Variants in SEPTIN11 observed in about 807,000 individuals in gnomAD.
The protein encoded by SEPTIN11 is septin 11.
A neutral mutation model predicts 51.4 loss-of-function variants in SEPTIN11; 25 were observed. The ratio of observed to expected loss-of-function variants is 0.49; its 90% CI spans 0.35 to 0.68. SEPTIN11 has a LOEUF of 0.68. Ranked by LOEUF, SEPTIN11 falls within the 30% of genes least tolerant of loss-of-function variation. SEPTIN11 has a pLI of 0.00. For synonymous variants in SEPTIN11, 174 were observed against 184.1 expected (o/e 0.95, Z 0.44); for missense variants, 381 against 520.8 (o/e 0.73, Z 2.61).
chr4:76,980,342 G>A (rs1212563647), intron 1 of SEPTIN11, among the ~76,000 whole-genome samples: 3 of 152,168 alleles, frequency 2.0e-5, no homozygotes, highest in Non-Finnish European at 2.9e-5. Flanking sequence ...ATTGTTTCTT[G>A]GGTGTTCATG....
chr4:77,036,121 C>T lies in SEPTIN11; in HGVS notation c.*1609C>T. 5 of 985,922 alleles carry T rather than the reference C, an allele frequency of 5.1e-6. No individual in the cohort carries two copies. The highest frequency in any genetic ancestry group is 6.0e-6 in the Non-Finnish European group (5 of 830,050). The allele number at this position is 985,922 out of a possible 1,614,324, so 61.1% of individuals were successfully genotyped here. A position where few individuals can be genotyped will look rare whatever the true frequency, so the allele number is the denominator to read the frequency against. ...ATACTTAGAGGAAAGAAGGAATGGT[C>T]TTCCATGAACTGATTATGCTTAATT... On this transcript the variant is annotated 3_prime_UTR_variant, in exon 10 of 10. Coordinates refer to ENST00000264893, the MANE Select transcript of SEPTIN11 (RefSeq NM_018243.4).
chr4:76,986,517 G>C (rs1723037044), intron 1 of SEPTIN11, among the ~76,000 whole-genome samples: 1 of 152,196 alleles, frequency 6.6e-6, no homozygotes, highest in South Asian at 2.1e-4. Context: ...CTTTACAACA[G>C]CCCTGTGAGA....
At chr4:76,973,844 A>C (rs1722364301) in intron 1 of SEPTIN11, among the ~76,000 whole-genome samples, 1 of 152,150 alleles carries the variant, frequency 6.6e-6, no homozygotes, top group East Asian at 1.9e-4. Flanking sequence ...TGGCATATAA[A>C]TAATACCTTC....
intron 1 of SEPTIN11, among the ~76,000 whole-genome samples, chr4:76,982,601 T>C (rs899170801): frequency 6.6e-6 from 1 of 152,236 alleles, no homozygotes; most frequent in African/African-American, 2.4e-5. Context: ...TTCATCTCCA[T>C]TGTCTAACCC....
At chr4:76,986,266 G>A (rs777892511) in intron 1 of SEPTIN11, among the ~76,000 whole-genome samples, 1 of 151,872 alleles carries the variant, frequency 6.6e-6, no homozygotes, top group Non-Finnish European at 1.5e-5. Context: ...GCTATTTGGC[G>A]TGAAAAAAAT....
chr4:77,034,379 C>A, intron 9 of SEPTIN11, 118 bp from the exon 10 acceptor site: 1 of 906,522 alleles, frequency 1.1e-6, no homozygotes, highest in South Asian at 3.1e-5. Flanking sequence ...TCTGTCAATT[C>A]CATAATCATT....
intron 1 of SEPTIN11, among the ~76,000 whole-genome samples, chr4:76,951,350 G>A (rs1422465828): frequency 1.3e-5 from 2 of 152,186 alleles, no homozygotes; most frequent in African/African-American, 2.4e-5. Flanking sequence ...TCAACTCTAC[G>A]ATTTAATGAC....
intron 1 of SEPTIN11, among the ~76,000 whole-genome samples, chr4:76,982,052 A>G (rs1215236592): frequency 6.6e-6 from 1 of 152,160 alleles, no homozygotes; most frequent in Non-Finnish European, 1.5e-5. Context: ...GTAAACTGAA[A>G]AAGAATCAGT....
intron 4 of SEPTIN11, 114 bp from the exon 5 acceptor site, chr4:77,014,742 A>G: frequency 2.0e-6 from 2 of 1,007,154 alleles, no homozygotes; most frequent in Non-Finnish European, 3.0e-6. Context: ...AGTAGGAAAC[A>G]TCTTTATTTT....
chr4:76,951,217 T>G (rs1721328102), intron 1 of SEPTIN11, among the ~76,000 whole-genome samples: 1 of 152,184 alleles, frequency 6.6e-6, no homozygotes, highest in Non-Finnish European at 1.5e-5. Flanking sequence ...GAGAAGTTCA[T>G]GGGTCCCTTT....
chr4:77,006,414 T>A lies in SEPTIN11; in HGVS notation c.338+618T>A, dbSNP rs36074407. Among the ~76,000 whole-genome samples the A allele has an allele frequency of 1.0e-3, 154 of 152,326 alleles. 1 individual carries two copies. In the Middle Eastern group the frequency reaches 0.014, roughly 13 times the overall value. On this transcript the variant is annotated intron_variant, in intron 3 of 9. Coordinates refer to ENST00000264893, the MANE Select transcript of SEPTIN11 (RefSeq NM_018243.4). ...TTAAAATTTCGTGGCATACAACCCATGTTAGTCTTAGTCTCAGGATTTTGT... is the reference window on the plus strand; with the variant it reads ...TTAAAATTTCGTGGCATACAACCCAAGTTAGTCTTAGTCTCAGGATTTTGT...
chr4:76,955,686 T>A (rs9307224), intron 1 of SEPTIN11, among the ~76,000 whole-genome samples: 80,253 of 151,878 alleles, frequency 0.53, 21,809 homozygotes, highest in Middle Eastern at 0.61. Context: ...AATAGGAGAG[T>A]TGAGAAACGA....
chr4:76,993,749 T>C lies in SEPTIN11; in HGVS notation c.28-2676T>C, dbSNP rs183392616. On this transcript the variant is annotated intron_variant, in intron 1 of 9. Transcript: ENST00000264893. The stretch of plus-strand genomic sequence containing the variant: ...AAATGTAAAAACTGTATTATAAAAT[T>C]TACATATTCTATATTACAGTGTTAG... 5.9e-5 allele frequency among the ~76,000 whole-genome samples: 9 copies of C among 152,336 alleles called. No individual in the cohort carries two copies. In the East Asian group the frequency reaches 1.7e-3, roughly 29 times the overall value.
downstream of SEPTIN11, chr4:77,039,653 A>AT (rs1256730868): frequency 1.0e-6 from 1 of 985,088 alleles, no homozygotes. Context: ...GTTTTTAAAA[A>AT]AAAAAAATCA....
intron 2 of SEPTIN11, among the ~76,000 whole-genome samples, chr4:76,998,232 A>T (rs958269996): frequency 1.3e-5 from 2 of 152,164 alleles, no homozygotes; most frequent in Admixed American, 1.3e-4. Flanking sequence ...AATGAACATA[A>T]TATATATTTG....
At chr4:76,980,269 T>C (rs1385370042) in intron 1 of SEPTIN11, among the ~76,000 whole-genome samples, 1 of 152,240 alleles carries the variant, frequency 6.6e-6, no homozygotes, top group East Asian at 1.9e-4. Context: ...ATTGGTGCTC[T>C]GTTCTCCATG....
chr4:77,034,458 A>G (rs890858691), intron 9 of SEPTIN11, 39 bp from the exon 10 acceptor site: 7 of 1,474,838 alleles, frequency 4.7e-6, no homozygotes, highest in Non-Finnish European at 6.3e-6. Flanking sequence ...TTAATTTATT[A>G]TTATTTCTAA....
In SEPTIN11 at chr4:76,961,804, G is replaced by T. The variant is rs146939217; in HGVS notation, c.27+11874G>T. Among the ~76,000 whole-genome samples, 889 of 152,322 alleles carry T rather than the reference G, an allele frequency of 5.8e-3. 6 individuals are homozygous for T. Among genetic ancestry groups the T allele is most frequent in the African/African-American group, 0.021 (857 of 41,584 alleles). ...AGTCAAAATCGTAAGTTGAACCATT[G>T]TAACTGGGGACTGTCCGTGTTCTGT... On this transcript the variant is annotated intron_variant, in intron 1 of 9. Coordinates refer to ENST00000264893, the MANE Select transcript of SEPTIN11 (RefSeq NM_018243.4).
intron 1 of SEPTIN11, chr4:76,958,747 C>T (rs563941217): frequency 2.2e-5 from 13 of 596,894 alleles, no homozygotes; most frequent in East Asian, 6.0e-5. Flanking sequence ...GTTTTATTGT[C>T]ACCCAGATGG....
Sources: gnomAD v4.1 joint callset for allele counts (sites outside exome capture counted in the v4.1 genomes callset) on GRCh38, gnomAD v4.1.1 for gene constraint, MANE v1.5 for transcripts, NCBI Gene and HGNC (gene_info 2026-07-23, HGNC 2026-07-21) for gene names.